Variants in RAPGEF2 observed in about 807,000 individuals in gnomAD.
RAPGEF2 encodes Rap guanine nucleotide exchange factor 2.
Under a neutral mutation model 186.7 loss-of-function variants are expected in RAPGEF2, and 54 were observed. The ratio of observed to expected loss-of-function variants is 0.29; its 90% CI spans 0.23 to 0.36. The LOEUF is 0.36. Ranked by LOEUF, RAPGEF2 falls within the 10% of genes least tolerant of loss-of-function variation. The pLI, the probability that RAPGEF2 is intolerant of heterozygous loss-of-function variation, is 1.00. For missense variants in RAPGEF2, 1,532 were observed against 2,045.0 expected (o/e 0.75, Z 4.84); for synonymous variants, 712 against 705.9 (o/e 1.01, Z -0.14).
At chr4:159,351,789 C>CA (rs145718172) in intron 26 of RAPGEF2, among the ~76,000 whole-genome samples, 8,499 of 141,328 alleles carry the variant, frequency 0.06, 275 homozygotes, top group Middle Eastern at 0.12. Flanking sequence ...AGTAAAAATA[C>CA]AAAAAAAAAA....
At chr4:159,261,267 T>C (rs1441830436) in intron 7 of RAPGEF2, among the ~76,000 whole-genome samples, 1 of 151,338 alleles carries the variant, frequency 6.6e-6, no homozygotes, top group Non-Finnish European at 1.5e-5. Context: ...TTTCACTGTG[T>C]TAGCCAGGAT....
chr4:159,349,430 A>G (rs1730855802), intron 25 of RAPGEF2, among the ~76,000 whole-genome samples: 1 of 152,234 alleles, frequency 6.6e-6, no homozygotes, highest in African/African-American at 2.4e-5. Context: ...GAGGGAAATC[A>G]TCTTACATTG....
intron 11 of RAPGEF2, chr4:159,328,775 A>AT (rs1358629846): frequency 6.6e-6 from 1 of 152,158 alleles, no homozygotes; most frequent in African/African-American, 2.4e-5. Flanking sequence ...TCATGGTTTG[A>AT]TTAGGAGGAT....
intron 18 of RAPGEF2, 131 bp from the exon 19 acceptor site, chr4:159,338,983 C>CT: frequency 9.3e-7 from 1 of 1,078,904 alleles, no homozygotes; most frequent in South Asian, 1.6e-5. Flanking sequence ...TGAGGAAGAC[C>CT]TAGAGTAAGG....
At chr4:159,126,425 A>G (rs1740302578) in intron 1 of RAPGEF2, among the ~76,000 whole-genome samples, 2 of 152,140 alleles carry the variant, frequency 1.3e-5, no homozygotes, top group African/African-American at 4.8e-5. Context: ...TCACCAACAC[A>G]ACTTAAAATC....
chr4:159,351,157 A>G, intron 26 of RAPGEF2: 5 of 1,535,546 alleles, frequency 3.3e-6, no homozygotes, highest in Non-Finnish European at 4.4e-6. Context: ...CAAGAATAAC[A>G]ATGCACCACG....
chr4:159,189,577 A>T (rs974069169), intron 2 of RAPGEF2, among the ~76,000 whole-genome samples: 1 of 152,214 alleles, frequency 6.6e-6, no homozygotes, highest in South Asian at 2.1e-4. Context: ...AAAATAATAC[A>T]TATTTTCTGC....
At chr4:159,156,406 A>T (rs1040382526) in intron 1 of RAPGEF2, among the ~76,000 whole-genome samples, 25 of 152,252 alleles carry the variant, frequency 1.6e-4, no homozygotes, top group African/African-American at 6.0e-4. Context: ...CCTATGTGTT[A>T]TATCTACTTT....
Position 159,331,512 on chromosome 4 carries a change from G to T in RAPGEF2, c.1549G>T (p.Glu517Ter). The T allele has an allele frequency of 6.2e-7, 1 of 1,613,150 alleles. No individual in the cohort carries two copies. Among genetic ancestry groups the T allele is most frequent in the South Asian group, 1.1e-5 (1 of 90,988 alleles). Residue 517 changes from glutamate (E) to a stop codon, truncating the protein, a stop_gained, in exon 14 of 30, where the codon GAA becomes TAA. Transcript: ENST00000691494. LOFTEE classifies it high-confidence loss of function. Reference sequence around the variant, plus strand: ...TCCTGCAATGACTCGATTTTTAGAAGAATTTGAAAACAATCTGGAAAGAGA... The same window carrying T: ...TCCTGCAATGACTCGATTTTTAGAATAATTTGAAAACAATCTGGAAAGAGA... ...GDPAMTRFLE[E>*]FENNLEREKM...
At chr4:159,153,601 C>G (rs753801594) in intron 1 of RAPGEF2, among the ~76,000 whole-genome samples, 2 of 152,160 alleles carry the variant, frequency 1.3e-5, no homozygotes, top group Non-Finnish European at 2.9e-5. Flanking sequence ...GTCTCTTATC[C>G]TAATCCTTTT....
intron 7 of RAPGEF2, among the ~76,000 whole-genome samples, chr4:159,262,161 G>A (rs764577064): frequency 1.3e-5 from 2 of 152,164 alleles, no homozygotes; most frequent in Non-Finnish European, 1.5e-5. Flanking sequence ...TCAAGTACTA[G>A]GGATAAAGCA....
intron 17 of RAPGEF2, among the ~76,000 whole-genome samples, chr4:159,336,950 C>A (rs1418624295): frequency 1.3e-5 from 2 of 152,140 alleles, no homozygotes; most frequent in East Asian, 3.8e-4. Flanking sequence ...TAACCATTTT[C>A]TTGCGACCCC....
intron 1 of RAPGEF2, among the ~76,000 whole-genome samples, chr4:159,132,885 T>G (rs965372940): frequency 2.0e-5 from 3 of 151,178 alleles, no homozygotes; most frequent in South Asian, 4.2e-4. Flanking sequence ...ATACTTAGTT[T>G]TTTTTTTTTT....
At chr4:159,183,744 G>T (rs1024121287) in intron 1 of RAPGEF2, among the ~76,000 whole-genome samples, 2 of 152,018 alleles carry the variant, frequency 1.3e-5, no homozygotes, top group Non-Finnish European at 1.5e-5. Context: ...TATGAACAAA[G>T]AATTTTTTTT....
intron 7 of RAPGEF2, among the ~76,000 whole-genome samples, chr4:159,295,770 C>CGT (rs1307222889): frequency 2.7e-5 from 4 of 148,876 alleles, no homozygotes; most frequent in African/African-American, 7.7e-5. Context: ...CGCGCGCGCG[C>CGT]GCGCATGCAC....
At chr4:159,351,989 C>T (rs1032681785) in intron 26 of RAPGEF2, among the ~76,000 whole-genome samples, 4 of 152,138 alleles carry the variant, frequency 2.6e-5, no homozygotes, top group African/African-American at 7.2e-5. Flanking sequence ...GCCATTGTGT[C>T]TTTCAAAATT....
chr4:159,122,126 A>G (rs1234091899), intron 1 of RAPGEF2, among the ~76,000 whole-genome samples: 1 of 151,890 alleles, frequency 6.6e-6, no homozygotes, highest in Admixed American at 6.6e-5. Flanking sequence ...TGCACAAAAT[A>G]TATTTAGATA....
At chr4:159,120,953 C>G (rs557589938) in intron 1 of RAPGEF2, among the ~76,000 whole-genome samples, 34 of 152,064 alleles carry the variant, frequency 2.2e-4, no homozygotes, top group Admixed American at 2.0e-3. Context: ...CTCCTGGGTT[C>G]GAGCGATTCT....
intron 7 of RAPGEF2, among the ~76,000 whole-genome samples, chr4:159,259,730 C>G (rs1195442498): frequency 6.6e-6 from 1 of 151,882 alleles, no homozygotes; most frequent in Admixed American, 6.6e-5. Flanking sequence ...AAAAAAATAC[C>G]ACTCATAAAA....
Sources: gnomAD v4.1 joint callset for allele counts (sites outside exome capture counted in the v4.1 genomes callset) on GRCh38, gnomAD v4.1.1 for gene constraint, MANE v1.5 for transcripts, NCBI Gene and HGNC (gene_info 2026-07-23, HGNC 2026-07-21) for gene names.